The following SLC2A10 variants were observed in gnomAD, a reference collection of about 807,000 sequenced individuals.
SLC2A10 encodes solute carrier family 2, facilitated glucose transporter member 10.
Under a neutral mutation model 32.1 loss-of-function variants are expected in SLC2A10, and 25 were observed. The observed-to-expected ratio is 0.78, with a 90% CI of 0.57 to 1.09. SLC2A10 has a LOEUF of 1.09. SLC2A10 is among the 50% of genes least tolerant of loss of function. SLC2A10 has a pLI of 0.00. For missense variants in SLC2A10, 673 were observed against 686.5 expected (o/e 0.98, Z 0.22); for synonymous variants, 332 against 309.6 (o/e 1.07, Z -0.76).
intron 4 of SLC2A10, 100 bp from the exon 5 acceptor site, chr20:46,733,656 A>AGGTGGGATTGGGT (rs1980410540): frequency 5.7e-6 from 5 of 878,618 alleles, no homozygotes; most frequent in Non-Finnish European, 9.7e-6. Flanking sequence ...GTAGGAGTGA[A>AGGTGGGATTGGGT]GGTGGGATTG....
At chr20:46,726,775 C>G in intron 2 of SLC2A10, 89 bp from the exon 3 acceptor site, 1 of 1,559,934 alleles carries the variant, frequency 6.4e-7, no homozygotes, top group Admixed American at 1.7e-5. Flanking sequence ...CTAGAAAATC[C>G]CATTGTTGAG....
In SLC2A10 at chr20:46,725,068, G is replaced by T. The variant is rs1368855270; in HGVS notation, c.32G>T (p.Cys11Phe). Residue 11 changes from cysteine to phenylalanine, a missense_variant, in exon 2 of 5, where the codon TGT (cysteine) becomes TTT (phenylalanine). Transcript: ENST00000359271. MGHSPPVLPL[C>F]ASVSLLGGLT... Reference sequence around the variant, plus strand: ...CACTCCCCACCTGTCCTGCCTTTGTGTGCCTCTGTGTCTTTGCTGGGTGGC... The same window carrying T: ...CACTCCCCACCTGTCCTGCCTTTGTTTGCCTCTGTGTCTTTGCTGGGTGGC... 1 of 1,614,212 alleles carries T rather than the reference G, an allele frequency of 6.2e-7. No homozygotes were observed. Among genetic ancestry groups the T allele is most frequent in the Non-Finnish European group, 8.5e-7 (1 of 1,180,036 alleles).
intron 1 of SLC2A10, among the ~76,000 whole-genome samples, chr20:46,717,570 G>C (rs550170168): frequency 6.6e-6 from 1 of 152,116 alleles, no homozygotes; most frequent in African/African-American, 2.4e-5. Flanking sequence ...ATTTTTAGTA[G>C]AGATGGGTTT....
intron 1 of SLC2A10, among the ~76,000 whole-genome samples, chr20:46,713,365 G>A (rs1215752045): frequency 6.6e-6 from 1 of 151,968 alleles, no homozygotes; most frequent in Non-Finnish European, 1.5e-5. Context: ...GCCAGGGACA[G>A]CCTCACCGAG....
In SLC2A10 at chr20:46,713,284, G is replaced by A. The variant is rs1366517869; in HGVS notation, c.4+3544G>A. 3.9e-5 allele frequency among the ~76,000 whole-genome samples: 6 copies of A among 152,150 alleles called. No homozygotes were observed. In the East Asian group the frequency reaches 5.8e-4, roughly 15 times the overall value. On this transcript the variant is annotated intron_variant, in intron 1 of 4. Coordinates refer to ENST00000359271, the MANE Select transcript of SLC2A10 (RefSeq NM_030777.4). ...TATTTTGGAAGATGAGAAGTGCCAC[G>A]CAGAAAAAACAAGTGGAGAAGGGAA...
chr20:46,714,205 G>A (rs1317370867), intron 1 of SLC2A10, among the ~76,000 whole-genome samples: 1 of 152,134 alleles, frequency 6.6e-6, no homozygotes, highest in Non-Finnish European at 1.5e-5. Context: ...CTCCAGGCAA[G>A]TAAAACACCA....
At chr20:46,729,512 TG>T in intron 4 of SLC2A10, 24 bp downstream of exon 4, 2 of 1,611,894 alleles carry the variant, frequency 1.2e-6, no homozygotes, top group Non-Finnish European at 1.7e-6. Flanking sequence ...AGGGTGGGTC[TG>T]GGGGAAGAGC....
rs1474530059 is a variant in SLC2A10, at chr20:46,734,745, TC to T, written c.*912del. 6.6e-6 allele frequency: 1 copy of T among 152,546 alleles called. No individual in the cohort carries two copies. Among genetic ancestry groups the T allele is most frequent in the African/African-American group, 2.4e-5 (1 of 41,426 alleles). The allele number at this position is 152,546 out of a possible 1,614,324, so 9.4% of individuals were successfully genotyped here. On this transcript the variant is annotated 3_prime_UTR_variant, in exon 5 of 5. Transcript: ENST00000359271. Reference sequence around the variant, plus strand: ...TGTATAATGGGAAGCCTGTACCAGGTCATTCTTAAGATTTCTCCTGACTCCA... The same window carrying T: ...TGTATAATGGGAAGCCTGTACCAGGTATTCTTAAGATTTCTCCTGACTCCA...
At chr20:46,713,018 C>T (rs1979023753) in intron 1 of SLC2A10, among the ~76,000 whole-genome samples, 1 of 152,116 alleles carries the variant, frequency 6.6e-6, no homozygotes, top group Non-Finnish European at 1.5e-5. Context: ...CTTCCAGGCC[C>T]TGGACCTTTC....
At chr20:46,716,395 C>T (rs186031183) in intron 1 of SLC2A10, among the ~76,000 whole-genome samples, 127 of 152,204 alleles carry the variant, frequency 8.3e-4, no homozygotes, top group African/African-American at 2.9e-3. Context: ...TCAAGTGATC[C>T]GCCCGCCTCA....
Position 46,725,623 on chromosome 20 carries a change from A to T in SLC2A10, c.587A>T (p.Lys196Met), listed in dbSNP as rs145446653. ...PAGTDETATH[K>M]DLIPLQGGEA... ...GGTACAGATGAGACTGCAACACACAAGGACCTCATCCCACTCCAGGGAGGT... is the reference window on the plus strand; with the variant it reads ...GGTACAGATGAGACTGCAACACACATGGACCTCATCCCACTCCAGGGAGGT... The change falls in exon 2 of 5, where the codon AAG becomes ATG. Residue 196 changes from lysine (K) to methionine (M), a missense_variant. Physicochemically the swap from Lys to Met is moderately conservative, Grantham distance 95. Transcript: ENST00000359271. 4.6e-5 allele frequency: 74 copies of T among 1,614,034 alleles called. No homozygotes were observed. Among genetic ancestry groups the T allele is most frequent in the Non-Finnish European group, 5.9e-5 (70 of 1,180,018 alleles).
intron 1 of SLC2A10, among the ~76,000 whole-genome samples, chr20:46,712,974 G>T (rs950067304): frequency 6.6e-6 from 1 of 151,904 alleles, no homozygotes; most frequent in Non-Finnish European, 1.5e-5. Context: ...TTAATTTGAG[G>T]ACGAGGCTTT....
chr20:46,710,185 G>A (rs1018156714), intron 1 of SLC2A10: 17 of 422,572 alleles, frequency 4.0e-5, no homozygotes, highest in African/African-American at 3.1e-4. Context: ...CAAAACAGAC[G>A]AACCCCCTCC....
chr20:46,725,090 T>A lies in SLC2A10; in HGVS notation c.54T>A (p.Gly18=), dbSNP rs772186491. Residue 18 remains glycine (G), a synonymous_variant, in exon 2 of 5, where the codon GGT becomes GGA. Transcript: ENST00000359271. ...LPLCASVSLL[G]GLTFGYELAV... ...TGTGTGCCTCTGTGTCTTTGCTGGG[T>A]GGCCTGACCTTTGGTTATGAACTGG... The A allele has an allele frequency of 3.7e-6, 6 of 1,614,210 alleles. No individual in the cohort carries two copies. The Admixed American group carries it at 1.0e-4, about 27-fold the overall frequency.
intron 3 of SLC2A10, among the ~76,000 whole-genome samples, chr20:46,728,251 C>A (rs1301006665): frequency 6.6e-6 from 1 of 152,190 alleles, no homozygotes; most frequent in Non-Finnish European, 1.5e-5. Flanking sequence ...CCATTGCTCT[C>A]CCTGCTGGCG....
intron 1 of SLC2A10, chr20:46,710,163 C>T (rs928197902): frequency 4.7e-6 from 2 of 425,162 alleles, no homozygotes; most frequent in African/African-American, 2.0e-5. Context: ...CTGTCGCGAA[C>T]GAAACTGCGA....
chr20:46,716,318 G>A (rs2425899), intron 1 of SLC2A10, among the ~76,000 whole-genome samples: 68,339 of 151,722 alleles, frequency 0.45, 15,923 homozygotes, highest in East Asian at 0.69. Flanking sequence ...ACACCCGGCT[G>A]ATTTTTGTAT....
upstream of SLC2A10, chr20:46,709,415 C>G (rs1308447279): frequency 2.4e-6 from 1 of 417,140 alleles, no homozygotes; most frequent in African/African-American, 2.1e-5. Context: ...TGTGTCCCCC[C>G]CAGGGGAGGA....
chr20:46,710,398 C>T (rs930604982), intron 1 of SLC2A10: 5 of 208,710 alleles, frequency 2.4e-5, no homozygotes, highest in Non-Finnish European at 4.7e-5. Context: ...GTTAGAGCTT[C>T]AGCAATGAAC....
Sources: gnomAD v4.1 joint callset for allele counts (sites outside exome capture counted in the v4.1 genomes callset) on GRCh38, gnomAD v4.1.1 for gene constraint, MANE v1.5 for transcripts, NCBI Gene and HGNC (gene_info 2026-07-23, HGNC 2026-07-21) for gene names.